FUOM: variants seen among roughly 807,000 people sequenced by gnomAD.
FUOM encodes the protein fucose mutarotase, also known as protein fucU homolog.
A neutral mutation model predicts 18.3 loss-of-function variants in FUOM; 19 were observed. The observed-to-expected ratio is 1.04, with a 90% CI of 0.73 to 1.53. The LOEUF is 1.53. Ranked by LOEUF, FUOM falls within the 40% of genes most tolerant of loss-of-function variation. The pLI, the probability that FUOM is intolerant of heterozygous loss-of-function variation, is 0.00. For missense variants in FUOM, 210 were observed against 200.9 expected (o/e 1.04, Z -0.27); for synonymous variants, 102 against 87.9 (o/e 1.16, Z -0.90).
chr10:133,356,994 G>C lies in FUOM; in HGVS notation c.174C>G (p.Leu58=), dbSNP rs1589873471. 6.5e-7 allele frequency: 1 copy of C among 1,550,248 alleles called. No individual in the cohort carries two copies. Among genetic ancestry groups the C allele is most frequent in the East Asian group, 2.4e-5 (1 of 40,920 alleles). ...IRADGLGIPQ[L]LEAVLKLLPL... ...GCAGCAGCTTCAGCACGGCCTCCAG[G>C]AGCTGCGGGATGCCCAGGCCTGGAG... The change falls in exon 3 of 6, where the codon CTC becomes CTG. Residue 58 remains leucine, a synonymous_variant. Transcript: ENST00000278025.
rs367852978 is a variant in FUOM at position 133,356,650 on chromosome 10, G to A, written c.314C>T (p.Ala105Val). The A allele has an allele frequency of 5.1e-6, 8 of 1,580,014 alleles. No homozygotes were observed. Among genetic ancestry groups the A allele is most frequent in the Non-Finnish European group, 6.9e-6 (8 of 1,160,126 alleles). Residue 105 changes from alanine (A) to valine (V), a missense_variant, in exon 4 of 6, where the codon GCC becomes GTC. Ala to Val is a moderately conservative substitution (Grantham distance 64). Transcript: ENST00000278025. The part of the protein sequence containing the change: ...WTEYESILRR[A>V]GCVRALAKIE... Reference sequence around the variant, plus strand: ...GGGCTGCAGGCTTACCACACAGCCGGCCCTGCGTAGGATGGACTCGTACTC... The same window carrying A: ...GGGCTGCAGGCTTACCACACAGCCGACCCTGCGTAGGATGGACTCGTACTC...
chr10:133,356,735 C>T lies in FUOM; in HGVS notation c.229G>A (p.Ala77Thr), dbSNP rs1034023667. 4 of 1,579,392 alleles carry T rather than the reference C, an allele frequency of 2.5e-6. No individual in the cohort carries two copies. The highest frequency in any genetic ancestry group is 3.4e-6 in the Non-Finnish European group (4 of 1,163,236). Residue 77 changes from alanine (A) to threonine (T), a missense_variant, in exon 4 of 6, where the codon GCA becomes ACA. Ala to Thr is a moderately conservative substitution (Grantham distance 58). Transcript: ENST00000278025. ...PLDTYVESPA[A>T]VMELVPSDKE... Reference sequence around the variant, plus strand: ...TCGCTGGGCACCAGCTCCATGACTGCAGCCTAGAGGGAGGGGTCAGCTCTG... The same window carrying T: ...TCGCTGGGCACCAGCTCCATGACTGTAGCCTAGAGGGAGGGGTCAGCTCTG...
At position 133,357,268 on chromosome 10, in the gene FUOM, G is replaced by A. The variant is rs1318288827; in HGVS notation, c.86-13C>T. ...AAGTCCGCAAGAACTAAACAGCCGG[G>A]AGGACAGCCCGTGTCGGCACCTATC... On this transcript the variant is annotated splice_polypyrimidine_tract_variant and intron_variant, in intron 1 of 5. Coordinates refer to ENST00000278025, the MANE Select transcript of FUOM (RefSeq NM_001098483.3). 2 of 1,567,196 alleles carry A rather than the reference G, an allele frequency of 1.3e-6. No homozygotes were observed. The highest frequency in any genetic ancestry group is 3.7e-5 in the Admixed American group (2 of 53,690).
In FUOM at chr10:133,356,665, G is replaced by T; in HGVS notation, c.299C>A (p.Ser100Tyr). The change falls in exon 4 of 6, where the codon TCC becomes TAC. Residue 100 changes from serine to tyrosine, a missense_variant. Transcript: ENST00000278025. Reference protein sequence around the residue: ...LQTPVWTEYESILRRAGCVRA... With the variant: ...LQTPVWTEYEYILRRAGCVRA... ...CACACAGCCGGCCCTGCGTAGGATG[G>T]ACTCGTACTCCGTCCACACTGGGGT... 1 of 1,596,122 alleles carries T rather than the reference G, an allele frequency of 6.3e-7. No homozygotes were observed. The highest frequency in any genetic ancestry group is 8.5e-7 in the Non-Finnish European group (1 of 1,169,778).
chr10:133,353,349 ACT>A (rs1224650384), downstream of FUOM, among the ~76,000 whole-genome samples: 2 of 152,130 alleles, frequency 1.3e-5, no homozygotes, highest in Non-Finnish European at 2.9e-5. Flanking sequence ...TGCTGGAGTC[ACT>A]CACACACCGC....
rs1259251614 is a variant in FUOM at position 133,355,776 on chromosome 10, A to G, written c.360T>C (p.Tyr120=). The part of the protein sequence containing the change: ...ALAKIERFEF[Y]ERAKKAFAVV... ...CAGCAAAAGCCTTCTTAGCCCGTTCATAAAACTCAAACCTCTCTATCTTTG... is the reference window on the plus strand; with the variant it reads ...CAGCAAAAGCCTTCTTAGCCCGTTCGTAAAACTCAAACCTCTCTATCTTTG... Residue 120 remains tyrosine, a synonymous_variant, in exon 5 of 6, where the codon TAT becomes TAC. Coordinates refer to ENST00000278025, the MANE Select transcript of FUOM (RefSeq NM_001098483.3). The G allele has an allele frequency of 6.2e-7, 1 of 1,613,154 alleles. No individual in the cohort carries two copies. Among genetic ancestry groups the G allele is most frequent in the Non-Finnish European group, 8.5e-7 (1 of 1,180,008 alleles).
chr10:133,355,524 C>A, intron 5 of FUOM, 88 bp from the exon 6 acceptor site: 1 of 1,607,322 alleles, frequency 6.2e-7, no homozygotes, highest in Non-Finnish European at 8.5e-7. Context: ...CAGAGCAGAC[C>A]CTGTCCACCT....
At chr10:133,355,581 T>C (rs1328006190) in intron 5 of FUOM, 145 bp from the exon 6 acceptor site, 5 of 1,596,312 alleles carry the variant, frequency 3.1e-6, no homozygotes, top group African/African-American at 1.3e-5. Context: ...CCCCCCGAAA[T>C]TCCTCCCTGG....
chr10:133,356,493 G>T (rs1296891214), intron 4 of FUOM, 147 bp downstream of exon 4: 1 of 517,534 alleles, frequency 1.9e-6, no homozygotes, highest in East Asian at 3.3e-5. Flanking sequence ...GCTGGTGAAG[G>T]AGTGCCAGTG....
chr10:133,355,126 C>T, downstream of FUOM: 1 of 570,840 alleles, frequency 1.8e-6, no homozygotes, highest in Non-Finnish European at 3.1e-6. Context: ...GAGCTCAGCA[C>T]CAAACAAGCC....
intron 1 of FUOM, chr10:133,357,467 G>C (rs1354826348): frequency 1.6e-6 from 1 of 610,212 alleles, no homozygotes; most frequent in Non-Finnish European, 3.0e-6. Flanking sequence ...CCCTGCCTGG[G>C]AGGCAGAGAG....
At chr10:133,357,351 G>A in intron 1 of FUOM, 96 bp from the exon 2 acceptor site, 1 of 1,211,250 alleles carries the variant, frequency 8.3e-7, no homozygotes, top group Non-Finnish European at 1.2e-6. Context: ...GCAGATCGTG[G>A]GTCACAAGAG....
In FUOM at chr10:133,358,009, G is replaced by A; in HGVS notation, c.-2C>T. 4.0e-6 allele frequency: 6 copies of A among 1,495,696 alleles called. No individual in the cohort carries two copies. Among genetic ancestry groups the A allele is most frequent in the Non-Finnish European group, 4.4e-6 (5 of 1,127,172 alleles). 92.7% of individuals were successfully genotyped at this position (1,495,696 alleles called of 1,614,324 possible). On this transcript the variant is annotated 5_prime_UTR_variant, in exon 1 of 6. Transcript: ENST00000278025. ...GGGGACACCCTTCAGCGCCACCATG[G>A]CCCGGCAGACGGGGCGGGCGGGGCC...
chr10:133,357,991 C>T lies in FUOM; in HGVS notation c.17G>A (p.Gly6Asp). 6.6e-7 allele frequency: 1 copy of T among 1,509,824 alleles called. No individual in the cohort carries two copies. The highest frequency in any genetic ancestry group is 1.4e-5 in the African/African-American group (1 of 69,278). 93.5% of individuals were successfully genotyped at this position (1,509,824 alleles called of 1,614,324 possible). A position where few individuals can be genotyped will look rare whatever the true frequency, so the allele number is the denominator to read the frequency against. MVALKGVPALLSPELL... is the reference protein window; with the variant it reads MVALKDVPALLSPELL... ...CTCGGGGGACAGCAGTGCGGGGACA[C>T]CCTTCAGCGCCACCATGGCCCGGCA... is the stretch of plus-strand genomic sequence containing the variant. The change falls in exon 1 of 6, where the codon GGT becomes GAT. Residue 6 changes from glycine to aspartate, a missense_variant. Transcript: ENST00000278025.
At chr10:133,355,622 G>A in intron 5 of FUOM, 116 bp downstream of exon 5, 1 of 1,567,976 alleles carries the variant, frequency 6.4e-7, no homozygotes, top group South Asian at 1.1e-5. Context: ...TCTAGCCTCA[G>A]CCAGGCAGAA....
At chr10:133,357,886 CG>C in intron 1 of FUOM, 36 bp downstream of exon 1, 1 of 1,497,462 alleles carries the variant, frequency 6.7e-7, no homozygotes, top group South Asian at 1.2e-5. Flanking sequence ...CTGCCTGTCC[CG>C]GGGTGCTCCC....
Position 133,355,288 on chromosome 10 carries a change from C to T in FUOM, c.*82G>A, listed in dbSNP as rs1848750447. 1.4e-6 allele frequency: 2 copies of T among 1,478,348 alleles called. No individual in the cohort carries two copies. 91.6% of individuals were successfully genotyped at this position (1,478,348 alleles called of 1,614,324 possible). On this transcript the variant is annotated 3_prime_UTR_variant, in exon 6 of 6. Transcript: ENST00000278025. ...CAGGGCCCAGGTCTGGGAGCTGCCA[C>T]TGGGAGGCCTGTTGTGAGTGGTGGT... is the stretch of plus-strand genomic sequence containing the variant.
Position 133,355,218 on chromosome 10 carries a change from A to T in FUOM, c.*152T>A. 1 of 748,980 alleles carries T rather than the reference A, an allele frequency of 1.3e-6. No individual in the cohort carries two copies. The highest frequency in any genetic ancestry group is 2.7e-5 in the East Asian group (1 of 37,000). The allele number at this position is 748,980 out of a possible 1,614,324, so 46.4% of individuals were successfully genotyped here. A position where few individuals can be genotyped will look rare whatever the true frequency, so the allele number is the denominator to read the frequency against. On this transcript the variant is annotated 3_prime_UTR_variant, in exon 6 of 6. Coordinates refer to ENST00000278025, the MANE Select transcript of FUOM (RefSeq NM_001098483.3). ...TCACAAATCAGGGATACTCGTCCCA[A>T]TTGGCAGGGCCCACCCCAAGACTGC...
chr10:133,357,520 C>A, intron 1 of FUOM: 1 of 550,798 alleles, frequency 1.8e-6, no homozygotes, highest in East Asian at 3.2e-5. Flanking sequence ...CTGACCAGGC[C>A]AGGGGGCCGA....
Sources: gnomAD v4.1 joint callset for allele counts (sites outside exome capture counted in the v4.1 genomes callset) on GRCh38, gnomAD v4.1.1 for gene constraint, MANE v1.5 for transcripts, NCBI Gene and HGNC (gene_info 2026-07-23, HGNC 2026-07-21) for gene names.